The following NAALADL2 variants were observed in gnomAD, a reference collection of about 807,000 sequenced individuals.
NAALADL2 encodes inactive N-acetylated-alpha-linked acidic dipeptidase-like protein 2.
Under a neutral mutation model 87.2 loss-of-function variants are expected in NAALADL2, and 76 were observed. That is an observed-to-expected ratio of 0.87 (90% CI 0.72 to 1.05). The LOEUF is 1.05. Among genes scored for constraint, NAALADL2 ranks in the 50% least tolerant of loss-of-function variants. The probability of loss-of-function intolerance (pLI) is 0.00; values close to 1 mark genes in which losing one functional copy is unlikely to be tolerated. For missense variants in NAALADL2, 1,089 were observed against 945.8 expected (o/e 1.15, Z -1.99); for synonymous variants, 354 against 331.0 (o/e 1.07, Z -0.75).
chr3:174,692,396 T>C (rs542674360), intron 2 of NAALADL2, among the ~76,000 whole-genome samples: 110 of 152,328 alleles, frequency 7.2e-4, no homozygotes, highest in African/African-American at 2.6e-3. Flanking sequence ...AGTGCATTAG[T>C]CTCTGTTCCT....
intron 1 of NAALADL2, among the ~76,000 whole-genome samples, chr3:174,470,184 A>G (rs1716811233): frequency 6.6e-6 from 1 of 152,138 alleles, no homozygotes; most frequent in East Asian, 1.9e-4. Context: ...TTTTAAGAAT[A>G]ACCATTCTGA....
In NAALADL2 at chr3:174,787,692, G is replaced by A. The variant is rs552447759; in HGVS notation, c.-9+49946G>A. ...TCAAAACTGGACTTTTTGAAATAAA[G>A]AAAAGAGAAGTGGATTAAGTATGGA... is the stretch of plus-strand genomic sequence containing the variant. On this transcript the variant is annotated intron_variant, in intron 3 of 3. Transcript: ENST00000434257. Among the ~76,000 whole-genome samples, 18 of 140,208 alleles carry A rather than the reference G, an allele frequency of 1.3e-4. No homozygotes were observed. The South Asian group carries it at 4.1e-3, about 32-fold the overall frequency. 92.0% of individuals were successfully genotyped at this position (140,208 alleles called of 152,430 possible).
intron 1 of NAALADL2, among the ~76,000 whole-genome samples, chr3:174,888,856 TTAAC>T (rs1730528996): frequency 6.6e-6 from 1 of 152,244 alleles, no homozygotes; most frequent in Non-Finnish European, 1.5e-5. Flanking sequence ...ATTTGCTTGG[TTAAC>T]TGCAAACCAC....
At chr3:175,222,034 G>A (rs1560185575) in intron 2 of NAALADL2, among the ~76,000 whole-genome samples, 1 of 151,942 alleles carries the variant, frequency 6.6e-6, no homozygotes, top group Non-Finnish European at 1.5e-5. Context: ...CACCTGCCTT[G>A]GCCTCCCAGA....
At chr3:174,633,898 T>A (rs1722388590) in intron 2 of NAALADL2, among the ~76,000 whole-genome samples, 1 of 152,226 alleles carries the variant, frequency 6.6e-6, no homozygotes, top group Non-Finnish European at 1.5e-5. Flanking sequence ...GGAGCTAAGA[T>A]GCTCTGCATT....
chr3:174,626,497 G>A (rs1458258855), intron 2 of NAALADL2, among the ~76,000 whole-genome samples: 1 of 151,794 alleles, frequency 6.6e-6, no homozygotes, highest in East Asian at 1.9e-4. Flanking sequence ...GTTTACAAGA[G>A]TGTCTTTGTC....
intron 5 of NAALADL2, among the ~76,000 whole-genome samples, chr3:175,443,298 G>C (rs1242221064): frequency 6.6e-6 from 1 of 152,074 alleles, no homozygotes; most frequent in Non-Finnish European, 1.5e-5. Context: ...TTATGGTTTA[G>C]GGTTCACTCA....
At chr3:175,373,329 C>A (rs531833247) in intron 5 of NAALADL2, among the ~76,000 whole-genome samples, 9 of 152,314 alleles carry the variant, frequency 5.9e-5, no homozygotes, top group Admixed American at 5.9e-4. Flanking sequence ...TCCACTGCCA[C>A]CTAATCTAGT....
At chr3:175,304,594 C>T (rs748348042) in intron 4 of NAALADL2, among the ~76,000 whole-genome samples, 11 of 152,194 alleles carry the variant, frequency 7.2e-5, no homozygotes, top group South Asian at 4.1e-4. Flanking sequence ...CCCATGAAGC[C>T]GGTGCTCATT....
intron 2 of NAALADL2, among the ~76,000 whole-genome samples, chr3:175,219,456 C>A (rs1387891340): frequency 5.3e-5 from 8 of 152,084 alleles, no homozygotes; most frequent in Admixed American, 5.2e-4. Flanking sequence ...ATATTTAATA[C>A]AAATATCTTG....
chr3:175,272,870 C>T (rs1311809380), intron 4 of NAALADL2, among the ~76,000 whole-genome samples: 1 of 151,648 alleles, frequency 6.6e-6, no homozygotes, highest in Non-Finnish European at 1.5e-5. Flanking sequence ...ATAACCTTTT[C>T]TAATAGAAGG....
At chr3:174,554,997 CT>C (rs1712581764) in intron 2 of NAALADL2, among the ~76,000 whole-genome samples, 1 of 152,094 alleles carries the variant, frequency 6.6e-6, no homozygotes, top group South Asian at 2.1e-4. Context: ...CTTTGAGTTT[CT>C]TTTTACAAGG....
At chr3:174,717,897 G>T (rs538238109) in intron 2 of NAALADL2, among the ~76,000 whole-genome samples, 2 of 152,118 alleles carry the variant, frequency 1.3e-5, no homozygotes, top group African/African-American at 4.8e-5. Context: ...AGGCTGAGGC[G>T]GGCAGATCAC....
chr3:175,162,289 T>C (rs1733344831), intron 2 of NAALADL2, among the ~76,000 whole-genome samples: 1 of 152,168 alleles, frequency 6.6e-6, no homozygotes, highest in Admixed American at 6.6e-5. Context: ...TCCACAATGT[T>C]GTGTATACCT....
intron 11 of NAALADL2, among the ~76,000 whole-genome samples, chr3:175,688,345 AC>A (rs1404209033): frequency 1.3e-5 from 2 of 152,156 alleles, no homozygotes; most frequent in Non-Finnish European, 2.9e-5. Context: ...TTGAAAAAGA[AC>A]AAGATTATTG....
At chr3:175,026,723 C>A (rs1752276704) in intron 1 of NAALADL2, among the ~76,000 whole-genome samples, 1 of 151,604 alleles carries the variant, frequency 6.6e-6, no homozygotes, top group Non-Finnish European at 1.5e-5. Flanking sequence ...GAAAAAATAT[C>A]TCTGGTTTAA....
intron 5 of NAALADL2, among the ~76,000 whole-genome samples, chr3:175,366,340 A>G (rs374964238): frequency 2.0e-5 from 3 of 151,700 alleles, no homozygotes; most frequent in South Asian, 4.2e-4. Context: ...TGTCTTTATA[A>G]CAGCATGATT....
At chr3:175,014,363 C>T (rs980666339) in intron 1 of NAALADL2, among the ~76,000 whole-genome samples, 1 of 152,042 alleles carries the variant, frequency 6.6e-6, no homozygotes, top group Non-Finnish European at 1.5e-5. Context: ...ATCCTTACTC[C>T]CTATTCTTAA....
intron 11 of NAALADL2, among the ~76,000 whole-genome samples, chr3:175,627,692 G>A (rs562642953): frequency 6.6e-6 from 1 of 151,770 alleles, no homozygotes; most frequent in African/African-American, 2.4e-5. Context: ...TGTAAAGAGG[G>A]AGTAATAATA....
Sources: allele counts gnomAD v4.1 joint callset (sites outside exome capture counted in the v4.1 genomes callset), GRCh38; gene constraint gnomAD v4.1.1; transcripts MANE v1.5; gene names NCBI Gene and HGNC (gene_info 2026-07-23, HGNC 2026-07-21).